Variants in BRIX1 observed in about 807,000 individuals in gnomAD.
BRIX1 encodes ribosome biogenesis protein BRX1 homolog.
BRIX1 carries 15 observed loss-of-function variants against 44.0 expected under a neutral mutation model. That is an observed-to-expected ratio of 0.34 (90% CI 0.23 to 0.53). The LOEUF (loss-of-function observed/expected upper bound fraction) is 0.53, where lower values mean the gene tolerates loss of function less well. Ranked by LOEUF, BRIX1 falls within the 20% of genes least tolerant of loss-of-function variation. The pLI is 0.95. For synonymous variants in BRIX1, 149 were observed against 135.4 expected (o/e 1.10, Z -0.70); for missense variants, 420 against 432.8 (o/e 0.97, Z 0.26).
intron 2 of BRIX1, chr5:34,918,904 T>C (rs1764177539): frequency 6.6e-6 from 1 of 151,808 alleles, no homozygotes. Context: ...TCAGAGCCTA[T>C]TTCTAAATGC....
intron 1 of BRIX1, 120 bp downstream of exon 1, chr5:34,916,017 C>G (rs1764072115): frequency 6.5e-6 from 8 of 1,223,840 alleles, no homozygotes; most frequent in Non-Finnish European, 8.8e-6. Flanking sequence ...AACGGTAGGT[C>G]GGTTTTAGCA....
chr5:34,916,628 A>G (rs1764100011), intron 1 of BRIX1: 1 of 152,266 alleles, frequency 6.6e-6, no homozygotes, highest in Non-Finnish European at 1.5e-5. Flanking sequence ...CATTCAACTA[A>G]GAACTCTTCT....
intron 3 of BRIX1, 196 bp from the exon 4 acceptor site, chr5:34,922,021 T>G (rs1235280089): frequency 9.2e-6 from 3 of 324,772 alleles, no homozygotes; most frequent in African/African-American, 6.5e-5. Flanking sequence ...GGGCAGAGCA[T>G]CTAGTTTACC....
In BRIX1 at chr5:34,925,670, A is replaced by G. The variant is rs1764363539; in HGVS notation, c.*175A>G. Reference sequence around the variant, plus strand: ...TTTTTCTAAATAAAATATCACCAGAATTCATCAGTTAATTTCTGATTTCTT... The same window carrying G: ...TTTTTCTAAATAAAATATCACCAGAGTTCATCAGTTAATTTCTGATTTCTT... On this transcript the variant is annotated 3_prime_UTR_variant, in exon 10 of 10. Transcript: ENST00000336767. 5.4e-6 allele frequency: 3 copies of G among 557,078 alleles called. No individual in the cohort carries two copies. The highest frequency in any genetic ancestry group is 3.4e-5 in the South Asian group (1 of 29,280). 34.5% of individuals were successfully genotyped at this position (557,078 alleles called of 1,614,324 possible). A position where few individuals can be genotyped will look rare whatever the true frequency, so the allele number is the denominator to read the frequency against.
intron 2 of BRIX1, among the ~76,000 whole-genome samples, chr5:34,919,434 T>C (rs1051723691): frequency 6.6e-6 from 1 of 152,266 alleles, no homozygotes; most frequent in Middle Eastern, 3.4e-3. Flanking sequence ...GGAGTATATG[T>C]GCAGGTTTGT....
At position 34,922,201 on chromosome 5, in the gene BRIX1, ACTTTG is replaced by A. The variant is rs767097428; in HGVS notation, c.316-12_316-8del. On this transcript the variant is annotated splice_polypyrimidine_tract_variant and intron_variant, in intron 3 of 9. Transcript: ENST00000336767. ...TATATTATCTACTTCATTTTCCTAT[ACTTTG>A]CTTCCTTTAGGTTTGTGAAATGAAG... The A allele has an allele frequency of 6.9e-7, 1 of 1,454,466 alleles. No individual in the cohort carries two copies. Among genetic ancestry groups the A allele is most frequent in the Non-Finnish European group, 9.5e-7 (1 of 1,051,068 alleles). 90.1% of individuals were successfully genotyped at this position (1,454,466 alleles called of 1,614,324 possible).
At chr5:34,917,117 A>C (rs1764123915) in intron 1 of BRIX1, among the ~76,000 whole-genome samples, 1 of 152,234 alleles carries the variant, frequency 6.6e-6, no homozygotes, top group Non-Finnish European at 1.5e-5. Flanking sequence ...ACATTCAAAA[A>C]ATGAGAGGGA....
At chr5:34,917,220 G>A (rs1225825869) in intron 1 of BRIX1, among the ~76,000 whole-genome samples, 1 of 152,156 alleles carries the variant, frequency 6.6e-6, no homozygotes, top group African/African-American at 2.4e-5. Flanking sequence ...GATTGCATTA[G>A]GCTTCATTTG....
Position 34,923,118 on chromosome 5 carries a change from C to A in BRIX1, c.562-15C>A, listed in dbSNP as rs778774356. On this transcript the variant is annotated splice_polypyrimidine_tract_variant and intron_variant, in intron 7 of 9. Transcript: ENST00000336767. ...TATCTTGGAATAAGGAACTAACATA[C>A]ACTTTTTTAACTAGATCTTTAGTAC... 4 of 1,603,274 alleles carry A rather than the reference C, an allele frequency of 2.5e-6. No homozygotes were observed. In the African/African-American group the frequency reaches 5.4e-5, roughly 21 times the overall value.
chr5:34,920,974 C>T (rs1171593101), intron 3 of BRIX1: 2 of 152,206 alleles, frequency 1.3e-5, no homozygotes, highest in Non-Finnish European at 2.9e-5. Context: ...AAGCAATTCT[C>T]CTGCCTCAGC....
chr5:34,920,855 G>T (rs1764223713), intron 3 of BRIX1: 1 of 151,336 alleles, frequency 6.6e-6, no homozygotes, highest in African/African-American at 2.4e-5. Context: ...AGTTGTTAGG[G>T]TTTGTTTATT....
intron 6 of BRIX1, 103 bp downstream of exon 6, chr5:34,922,871 GT>G: frequency 7.8e-7 from 1 of 1,280,866 alleles, no homozygotes; most frequent in Non-Finnish European, 1.1e-6. Flanking sequence ...CCCCACCTTG[GT>G]TTTATGGATT....
intron 7 of BRIX1, 41 bp downstream of exon 7, chr5:34,923,092 A>AT (rs1764274720): frequency 1.3e-6 from 2 of 1,576,902 alleles, no homozygotes; most frequent in African/African-American, 2.7e-5. Flanking sequence ...TATACATGAT[A>AT]TATCTTGGAA....
chr5:34,925,051 T>C (rs1764342155), intron 9 of BRIX1, 76 bp downstream of exon 9: 1 of 1,535,430 alleles, frequency 6.5e-7, no homozygotes, highest in East Asian at 2.3e-5. Flanking sequence ...AAGTAATTGC[T>C]GTTTTATTAC....
At position 34,925,515 on chromosome 5, in the gene BRIX1, G is replaced by A. The variant is rs1764359086; in HGVS notation, c.*20G>A. Reference sequence around the variant, plus strand: ...AAATAAGTCAATGGAAACCTGATTTGTTTTTCAGTTACTTTATATTTATTT... The same window carrying A: ...AAATAAGTCAATGGAAACCTGATTTATTTTTCAGTTACTTTATATTTATTT... On this transcript the variant is annotated 3_prime_UTR_variant, in exon 10 of 10. Transcript: ENST00000336767. The A allele has an allele frequency of 6.3e-7, 1 of 1,590,176 alleles. No individual in the cohort carries two copies.
chr5:34,916,143 G>A (rs1375908914), intron 1 of BRIX1: 3 of 403,758 alleles, frequency 7.4e-6, no homozygotes, highest in African/African-American at 2.1e-5. Flanking sequence ...GCGACTTACA[G>A]GGTGCTCAGA....
chr5:34,923,413 G>T (rs1764284464), intron 8 of BRIX1, 179 bp downstream of exon 8: 1 of 592,662 alleles, frequency 1.7e-6, no homozygotes, highest in Non-Finnish European at 3.0e-6. Context: ...GAGTAGCTGG[G>T]ATTACAAGCA....
At chr5:34,916,042 A>G in intron 1 of BRIX1, 145 bp downstream of exon 1, 1 of 945,746 alleles carries the variant, frequency 1.1e-6, no homozygotes. Context: ...TCCCGGCCAG[A>G]CTGGGCACGG....
rs1764273322 is a variant in BRIX1 at position 34,923,028 on chromosome 5, T to G, written c.538T>G (p.Leu180Val). ...TTTTGATGAATTACCACATTATGCTTTGTTAAAAGAACTCTTAATTCAGGT... is the reference window on the plus strand; with the variant it reads ...TTTTGATGAATTACCACATTATGCTGTGTTAAAAGAACTCTTAATTCAGGT... The part of the protein sequence containing the change: ...PAFDELPHYA[L>V]LKELLIQIFS... Residue 180 changes from leucine to valine, a missense_variant, in exon 7 of 10, where the codon TTG becomes GTG. Transcript: ENST00000336767. 1.3e-6 allele frequency: 2 copies of G among 1,546,638 alleles called. No homozygotes were observed. Among genetic ancestry groups the G allele is most frequent in the African/African-American group, 2.7e-5 (2 of 73,468 alleles).
Sources: allele counts gnomAD v4.1 joint callset (sites outside exome capture counted in the v4.1 genomes callset), GRCh38; gene constraint gnomAD v4.1.1; transcripts MANE v1.5; gene names NCBI Gene and HGNC (gene_info 2026-07-23, HGNC 2026-07-21).